Variants in RGSL1 observed in about 807,000 individuals in gnomAD.
RGSL1 encodes the protein regulator of G protein signaling like 1.
RGSL1 carries 97 observed loss-of-function variants against 124.7 expected under a neutral mutation model. That is an observed-to-expected ratio of 0.78 (90% CI 0.66 to 0.92). The LOEUF (loss-of-function observed/expected upper bound fraction) is 0.92. RGSL1 is among the 40% of genes least tolerant of loss of function. The pLI, the probability that RGSL1 is intolerant of heterozygous loss-of-function variation, is 0.00. For synonymous variants in RGSL1, 424 were observed against 438.1 expected (o/e 0.97, Z 0.40); for missense variants, 1,233 against 1,288.4 (o/e 0.96, Z 0.66).
At chr1:182,476,246 T>C (rs1360296854) in intron 6 of RGSL1, among the ~76,000 whole-genome samples, 1 of 152,236 alleles carries the variant, frequency 6.6e-6, no homozygotes, top group East Asian at 1.9e-4. Context: ...AGATTCAGAC[T>C]GGGACTGTGC....
rs745821177 is a variant in RGSL1, at chr1:182,493,108, T to C, written c.1804T>C (p.Cys602Arg). 5 of 1,550,932 alleles carry C rather than the reference T, an allele frequency of 3.2e-6. No homozygotes were observed. The highest frequency in any genetic ancestry group is 4.4e-6 in the Non-Finnish European group (5 of 1,146,446). Residue 602 changes from cysteine to arginine, a missense_variant, in exon 9 of 22, where the codon TGT becomes CGT. Cys to Arg is a radical substitution (Grantham distance 180). Coordinates refer to ENST00000294854, the MANE Select transcript of RGSL1 (RefSeq NM_001137669.2). The part of the protein sequence containing the change: ...QKISDDYKIY[C>R]EKAPKIDFKM... The stretch of plus-strand genomic sequence containing the variant: ...GATCAGTGATGACTACAAAATATAC[T>C]GTGAGAAAGCACCTAAAATAGGCAA...
At chr1:182,545,590 C>G (rs1353142921) in intron 15 of RGSL1, among the ~76,000 whole-genome samples, 1 of 152,124 alleles carries the variant, frequency 6.6e-6, no homozygotes, top group African/African-American at 2.4e-5. Flanking sequence ...TAAGACATGT[C>G]TGTTGGTCAT....
chr1:182,468,621 G>A (rs1044568049), intron 4 of RGSL1, among the ~76,000 whole-genome samples: 1 of 152,136 alleles, frequency 6.6e-6, no homozygotes, highest in Non-Finnish European at 1.5e-5. Context: ...CTGTTGTAGG[G>A]TTGAGGGGGA....
At chr1:182,537,122 C>T (rs554834947) in intron 14 of RGSL1, among the ~76,000 whole-genome samples, 1 of 152,080 alleles carries the variant, frequency 6.6e-6, no homozygotes, top group East Asian at 1.9e-4. Context: ...TAAGTAGTGT[C>T]TTTTGAAGAT....
At chr1:182,557,234 C>T (rs1660917438) in intron 21 of RGSL1, among the ~76,000 whole-genome samples, 1 of 152,184 alleles carries the variant, frequency 6.6e-6, no homozygotes, top group Non-Finnish European at 1.5e-5. Flanking sequence ...CATGAGTCTT[C>T]CCTTCCCTAT....
At chr1:182,544,779 G>A (rs1036094200) in intron 15 of RGSL1, among the ~76,000 whole-genome samples, 8 of 151,964 alleles carry the variant, frequency 5.3e-5, no homozygotes, top group African/African-American at 1.9e-4. Flanking sequence ...TCAACTTGTA[G>A]CCTATTTTAT....
chr1:182,502,588 A>G (rs1656479016), intron 9 of RGSL1, among the ~76,000 whole-genome samples: 1 of 152,118 alleles, frequency 6.6e-6, no homozygotes, highest in Admixed American at 6.6e-5. Flanking sequence ...AAAAACAACA[A>G]CAAAAACAGA....
intron 14 of RGSL1, among the ~76,000 whole-genome samples, chr1:182,534,503 TG>T (rs1659405761): frequency 6.6e-6 from 1 of 152,236 alleles, no homozygotes; most frequent in South Asian, 2.1e-4. Flanking sequence ...TTTTATGAAC[TG>T]TTTCACAATA....
At chr1:182,500,195 G>A (rs1656244657) in intron 9 of RGSL1, among the ~76,000 whole-genome samples, 1 of 152,286 alleles carries the variant, frequency 6.6e-6, no homozygotes. Flanking sequence ...TTTGTGTGGT[G>A]TGAGGAAAGA....
At chr1:182,534,724 G>A (rs1437205400) in intron 14 of RGSL1, among the ~76,000 whole-genome samples, 1 of 152,032 alleles carries the variant, frequency 6.6e-6, no homozygotes, top group Non-Finnish European at 1.5e-5. Context: ...CTACTCGGGA[G>A]GCTGAGGCCA....
chr1:182,529,826 G>A (rs563246752), intron 11 of RGSL1, among the ~76,000 whole-genome samples: 1 of 152,090 alleles, frequency 6.6e-6, no homozygotes, highest in African/African-American at 2.4e-5. Flanking sequence ...GAACACAGCA[G>A]TTTCTGAACA....
At chr1:182,498,874 C>A (rs987278051) in intron 9 of RGSL1, among the ~76,000 whole-genome samples, 2 of 151,064 alleles carry the variant, frequency 1.3e-5, no homozygotes, top group Admixed American at 6.6e-5. Context: ...CTCACTGCAA[C>A]CTCCACCTCC....
intron 6 of RGSL1, among the ~76,000 whole-genome samples, chr1:182,483,136 A>G (rs1431948493): frequency 6.6e-6 from 1 of 152,192 alleles, no homozygotes; most frequent in Non-Finnish European, 1.5e-5. Flanking sequence ...ATCAAAGTGT[A>G]CCATGTTTCA....
intron 16 of RGSL1, 69 bp from the exon 17 acceptor site, chr1:182,548,631 G>T: frequency 1.3e-6 from 2 of 1,537,706 alleles, no homozygotes. Context: ...TGGGGTTCTG[G>T]GGGCCAGGAG....
chr1:182,538,493 A>C (rs1185220917), intron 14 of RGSL1, among the ~76,000 whole-genome samples: 2 of 151,584 alleles, frequency 1.3e-5, no homozygotes, highest in Non-Finnish European at 2.9e-5. Context: ...GTGCCACTGC[A>C]CTCCAGCCTG....
chr1:182,451,918 A>G (rs1431932021), intron 1 of RGSL1, among the ~76,000 whole-genome samples: 3 of 151,904 alleles, frequency 2.0e-5, no homozygotes, highest in African/African-American at 7.3e-5. Context: ...AGATAGGTAC[A>G]AAGAGAAACC....
chr1:182,497,054 A>G (rs956659228), intron 9 of RGSL1, among the ~76,000 whole-genome samples: 5 of 152,122 alleles, frequency 3.3e-5, no homozygotes, highest in South Asian at 2.1e-4. Context: ...GATAATGTGG[A>G]CTAATGTAAT....
intron 21 of RGSL1, 37 bp from the exon 22 acceptor site, chr1:182,560,242 A>G (rs1388185929): frequency 6.6e-6 from 1 of 152,220 alleles, no homozygotes; most frequent in African/African-American, 2.4e-5. Flanking sequence ...CTGTATTCCA[A>G]TAAATCTTGA....
chr1:182,551,059 T>G, intron 17 of RGSL1, 41 bp from the exon 18 acceptor site: 1 of 1,409,704 alleles, frequency 7.1e-7, no homozygotes, highest in African/African-American at 1.4e-5. Context: ...CCCCCTCCAC[T>G]GGGGGTTCCC....
Sources: allele counts gnomAD v4.1 joint callset (sites outside exome capture counted in the v4.1 genomes callset), GRCh38; gene constraint gnomAD v4.1.1; transcripts MANE v1.5; gene names NCBI Gene and HGNC (gene_info 2026-07-23, HGNC 2026-07-21).